Variants in SLC35F3 observed in about 807,000 individuals in gnomAD.
SLC35F3 encodes solute carrier family 35 member F3.
In SLC35F3, 25 loss-of-function variants were observed where a neutral mutation model predicts 49.9. The observed-to-expected ratio is 0.50, with a 90% CI of 0.37 to 0.70. SLC35F3 has a LOEUF of 0.70. SLC35F3 is among the 30% of genes least tolerant of loss of function. SLC35F3 has a pLI of 0.00. For missense variants in SLC35F3, 525 were observed against 639.8 expected (o/e 0.82, Z 1.94); for synonymous variants, 275 against 265.4 (o/e 1.04, Z -0.35).
At chr1:234,033,639 C>T (rs4611089) in intron 2 of SLC35F3, among the ~76,000 whole-genome samples, 19,651 of 152,104 alleles carry the variant, frequency 0.13, 3,630 homozygotes, top group African/African-American at 0.41. Flanking sequence ...TGTTTTTGTT[C>T]GCTTTGTCGA....
intron 3 of SLC35F3, among the ~76,000 whole-genome samples, chr1:234,247,286 T>C (rs1245597255): frequency 2.6e-5 from 4 of 152,392 alleles, no homozygotes; most frequent in Admixed American, 2.0e-4. Context: ...TTTTAAACTT[T>C]GTCATTTGAT....
rs966935344 is a variant in SLC35F3 at position 233,926,185 on chromosome 1, G to A, written c.283+20427G>A. Among the ~76,000 whole-genome samples, 5 of 152,158 alleles carry A rather than the reference G, an allele frequency of 3.3e-5. No homozygotes were observed. The East Asian group carries it at 7.7e-4, about 23-fold the overall frequency. On this transcript the variant is annotated intron_variant, in intron 2 of 7. Transcript: ENST00000366618. Reference sequence around the variant, plus strand: ...CTGAATTTGAATGTTGGCCTGCCTTGCTAGATTGGGGAAGTTCTCCTGGAT... The same window carrying A: ...CTGAATTTGAATGTTGGCCTGCCTTACTAGATTGGGGAAGTTCTCCTGGAT...
chr1:234,171,205 C>T (rs1033196799), intron 2 of SLC35F3, among the ~76,000 whole-genome samples: 2 of 152,214 alleles, frequency 1.3e-5, no homozygotes, highest in Non-Finnish European at 2.9e-5. Flanking sequence ...ACCTGAGTTG[C>T]AGCTAGCTCT....
At chr1:233,912,351 A>T (rs781224209) in intron 2 of SLC35F3, among the ~76,000 whole-genome samples, 4 of 152,098 alleles carry the variant, frequency 2.6e-5, no homozygotes, top group Admixed American at 2.6e-4. Context: ...GGTGGTGGGC[A>T]CCTGTAATCC....
At chr1:234,152,458 A>G (rs1666091151) in intron 2 of SLC35F3, among the ~76,000 whole-genome samples, 2 of 151,992 alleles carry the variant, frequency 1.3e-5, no homozygotes, top group African/African-American at 2.4e-5. Context: ...CCTCCCACCT[A>G]TGAGTGAGAA....
intron 3 of SLC35F3, among the ~76,000 whole-genome samples, chr1:234,234,732 C>A (rs1006070932): frequency 6.6e-6 from 1 of 152,154 alleles, no homozygotes; most frequent in African/African-American, 2.4e-5. Context: ...GGTCCTCTGC[C>A]ACTCATGACG....
rs1255090942 is a variant in SLC35F3, at chr1:233,905,066, C to T, written c.-12C>T. 2 of 1,558,944 alleles carry T rather than the reference C, an allele frequency of 1.3e-6. No homozygotes were observed. Among genetic ancestry groups the T allele is most frequent in the Admixed American group, 1.9e-5 (1 of 51,648 alleles). ...AAGTCTGGGAGCTGCCGGTCCCACT[C>T]TGTCTTTGCCTATGGGGATTCGAGA... On this transcript the variant is annotated 5_prime_UTR_variant, in exon 1 of 8. Transcript: ENST00000366618.
chr1:234,311,661 G>A (rs748642393), intron 4 of SLC35F3, among the ~76,000 whole-genome samples: 7 of 152,222 alleles, frequency 4.6e-5, no homozygotes, highest in Non-Finnish European at 7.3e-5. Context: ...GGAGATTCCT[G>A]GCCACGTATG....
intron 3 of SLC35F3, among the ~76,000 whole-genome samples, chr1:234,270,627 A>G (rs1278205018): frequency 6.6e-6 from 1 of 152,224 alleles, no homozygotes; most frequent in Non-Finnish European, 1.5e-5. Context: ...TTGCCTACAA[A>G]GCTCATTGCA....
Position 234,231,417 on chromosome 1 carries a change from G to T in SLC35F3, c.284G>T (p.Arg95Met). 1 of 1,547,554 alleles carries T rather than the reference G, an allele frequency of 6.5e-7. No individual in the cohort carries two copies. The highest frequency in any genetic ancestry group is 8.7e-7 in the Non-Finnish European group (1 of 1,149,980). Residue 95 changes from arginine to methionine, a missense_variant and splice_region_variant, in exon 3 of 8, where the codon AGG becomes ATG. Physicochemically the swap from Arg to Met is moderately conservative, Grantham distance 91. This residue lies in a region of SLC35F3 where 228 missense variants were observed against 218.9 expected (regional missense o/e 1.04). Transcript: ENST00000366618. This position sits in a 1 kb window ranked among gnomAD's most constrained non-coding sequence, Gnocchi z 5.4. The stretch of plus-strand genomic sequence containing the variant: ...CTAACCACGCCCTTCTCTTCCCCAG[G>T]GGAGGAGCGCCCCCGGGACTCCCCG... ...GYQPWAASCK[R>M]EERPRDSPGP...
In SLC35F3 at chr1:234,320,331, T is replaced by C; in HGVS notation, c.1237+144T>C. 1 of 606,912 alleles carries C rather than the reference T, an allele frequency of 1.6e-6. No homozygotes were observed. Among genetic ancestry groups the C allele is most frequent in the Non-Finnish European group, 3.0e-6 (1 of 332,508 alleles). 37.6% of individuals were successfully genotyped at this position (606,912 alleles called of 1,614,324 possible). ...ACTCATGCATACACACACACACACA[T>C]ACTCTCACATACATACTCACATATA... On this transcript the variant is annotated intron_variant, in intron 7 of 7. Coordinates refer to ENST00000366618, the MANE Select transcript of SLC35F3 (RefSeq NM_173508.4). The surrounding 1 kb of genome is among the most constrained non-coding windows in gnomAD (Gnocchi z 4.8).
At chr1:234,015,144 G>A (rs931198130) in intron 2 of SLC35F3, among the ~76,000 whole-genome samples, 4 of 151,952 alleles carry the variant, frequency 2.6e-5, no homozygotes, top group Admixed American at 6.6e-5. Flanking sequence ...TCAGGAGTTC[G>A]AGACCAGCCT....
At chr1:233,921,864 A>G (rs561804023) in intron 2 of SLC35F3, among the ~76,000 whole-genome samples, 14 of 145,496 alleles carry the variant, frequency 9.6e-5, no homozygotes, top group South Asian at 6.5e-4. Flanking sequence ...CCATTGTTCA[A>G]TTCCCACCTG....
chr1:233,917,836 G>T (rs965116675), intron 2 of SLC35F3, among the ~76,000 whole-genome samples: 2 of 152,246 alleles, frequency 1.3e-5, no homozygotes, highest in African/African-American at 4.8e-5. Context: ...TTTCTAAGGG[G>T]AGTCTCTACA....
At chr1:233,983,435 C>T (rs574747825) in intron 2 of SLC35F3, among the ~76,000 whole-genome samples, 71 of 152,286 alleles carry the variant, frequency 4.7e-4, no homozygotes, top group African/African-American at 1.6e-3. Context: ...TGAGTAATTT[C>T]ATAAAACATC....
intron 2 of SLC35F3, among the ~76,000 whole-genome samples, chr1:233,913,498 TC>T (rs1558176612): frequency 6.6e-6 from 1 of 152,230 alleles, no homozygotes; most frequent in Non-Finnish European, 1.5e-5. Context: ...TAGAAAGCTC[TC>T]TAGGGGCAGG....
chr1:234,308,114 C>CTG (rs1432898424), intron 3 of SLC35F3, among the ~76,000 whole-genome samples: 3 of 152,190 alleles, frequency 2.0e-5, no homozygotes, highest in African/African-American at 7.2e-5. Flanking sequence ...ACTTTTGGAT[C>CTG]TGCTTATTCT....
chr1:234,305,470 C>T (rs1028114766), intron 3 of SLC35F3, among the ~76,000 whole-genome samples: 1 of 150,870 alleles, frequency 6.6e-6, no homozygotes, highest in Non-Finnish European at 1.5e-5. Flanking sequence ...GCAACCTCCG[C>T]CTTCCAGGTT....
At chr1:234,220,289 CA>C (rs760604001) in intron 2 of SLC35F3, among the ~76,000 whole-genome samples, 4 of 151,828 alleles carry the variant, frequency 2.6e-5, no homozygotes, top group Non-Finnish European at 5.9e-5. Context: ...GCTTTCATTT[CA>C]GGGGTGTGTG....
Sources: gnomAD v4.1 joint callset for allele counts (sites outside exome capture counted in the v4.1 genomes callset) on GRCh38, gnomAD v4.1.1 for gene constraint, gnomAD v4.1.1 regional missense constraint, Gnocchi (gnomAD v3.1) non-coding constraint, MANE v1.5 for transcripts, NCBI Gene and HGNC (gene_info 2026-07-23, HGNC 2026-07-21) for gene names.